PFKL: variants seen among roughly 807,000 people sequenced by gnomAD.
PFKL encodes ATP-dependent 6-phosphofructokinase, liver type.
In PFKL, 74 loss-of-function variants were observed where a neutral mutation model predicts 92.1. The ratio of observed to expected loss-of-function variants is 0.80; its 90% CI spans 0.67 to 0.97. The LOEUF (loss-of-function observed/expected upper bound fraction) is 0.97. PFKL is among the 50% of genes least tolerant of loss of function. The pLI is 0.00. For synonymous variants in PFKL, 494 were observed against 456.4 expected (o/e 1.08, Z -1.05); for missense variants, 1,028 against 1,116.6 (o/e 0.92, Z 1.13).
intron 15 of PFKL, among the ~76,000 whole-genome samples, chr21:44,323,262 T>C (rs2047406223): frequency 6.6e-6 from 1 of 152,062 alleles, no homozygotes; most frequent in African/African-American, 2.4e-5. Flanking sequence ...TTTTAAGTGC[T>C]GTGTGTGGGC....
rs80061405 is a variant in PFKL at position 44,309,129 on chromosome 21, G to A, written c.160-1877G>A. On this transcript the variant is annotated intron_variant, in intron 2 of 21. Coordinates refer to ENST00000349048, the MANE Select transcript of PFKL (RefSeq NM_002626.6). ...GAAGGGGGAGGTCAGGGAGACCTGC[G>A]GCTGCGTCAGTTCACATCAGACTGC... 1.8e-4 allele frequency among the ~76,000 whole-genome samples: 27 copies of A among 152,252 alleles called. 1 individual carries two copies. Among genetic ancestry groups the A allele is most frequent in the African/African-American group, 5.1e-4 (21 of 41,534 alleles).
At chr21:44,310,946 C>A in intron 2 of PFKL, 60 bp from the exon 3 acceptor site, 1 of 1,262,126 alleles carries the variant, frequency 7.9e-7, no homozygotes, top group South Asian at 1.2e-5. Context: ...GCTCCCAGAC[C>A]ACTTGCTGCC....
At chr21:44,300,560 C>T (rs1011644156) in intron 1 of PFKL, among the ~76,000 whole-genome samples, 1 of 152,178 alleles carries the variant, frequency 6.6e-6, no homozygotes, top group Non-Finnish European at 1.5e-5. Flanking sequence ...TCTGAAGCGA[C>T]CCGGGGACCC....
chr21:44,310,488 C>T (rs892953488), intron 2 of PFKL, among the ~76,000 whole-genome samples: 23 of 152,166 alleles, frequency 1.5e-4, no homozygotes, highest in African/African-American at 4.6e-4. Context: ...CCCGCTCTGG[C>T]GGGCAGATGG....
At position 44,322,954 on chromosome 21, in the gene PFKL, G is replaced by T; in HGVS notation, c.1410-8G>T. 6.2e-7 allele frequency: 1 copy of T among 1,604,768 alleles called. No homozygotes were observed. Among genetic ancestry groups the T allele is most frequent in the South Asian group, 1.1e-5 (1 of 90,644 alleles). ...TGCGTGTTCATGCGGATGTGTCTTT[G>T]ACTGCAGGACCCTGCCCAAGGGCCA... On this transcript the variant is annotated splice_region_variant and splice_polypyrimidine_tract_variant and intron_variant, in intron 14 of 21. Coordinates refer to ENST00000349048, the MANE Select transcript of PFKL (RefSeq NM_002626.6).
At chr21:44,305,419 T>G in intron 1 of PFKL, 1 of 1,331,324 alleles carries the variant, frequency 7.5e-7, no homozygotes, top group Middle Eastern at 2.1e-4. Context: ...CCCCAGCAGG[T>G]CAGCACCTCC....
intron 2 of PFKL, 122 bp downstream of exon 2, chr21:44,306,876 G>C (rs1161059513): frequency 2.4e-6 from 2 of 841,314 alleles, no homozygotes; most frequent in Non-Finnish European, 3.9e-6. Flanking sequence ...GAGCTGATGG[G>C]TATGTGGTCT....
At chr21:44,324,414 C>T in intron 16 of PFKL, 77 bp from the exon 17 acceptor site, 4 of 1,504,792 alleles carry the variant, frequency 2.7e-6, no homozygotes, top group Non-Finnish European at 3.7e-6. Context: ...ACAGGGCTCC[C>T]TGCAGGGTAG....
Position 44,318,696 on chromosome 21 carries a change from G to A in PFKL, c.1062+101G>A, listed in dbSNP as rs951313666. 10 of 1,106,690 alleles carry A rather than the reference G, an allele frequency of 9.0e-6. No homozygotes were observed. The East Asian group carries it at 1.2e-4, about 13-fold the overall frequency. The allele number at this position is 1,106,690 out of a possible 1,614,324, so 68.6% of individuals were successfully genotyped here. On this transcript the variant is annotated intron_variant, in intron 10 of 21. Transcript: ENST00000349048. ...TGGGGGCCCCAGCACTGTGAGCACCGGAGGGCAGGGCCTCGTGGCTGGCCC... is the reference window on the plus strand; with the variant it reads ...TGGGGGCCCCAGCACTGTGAGCACCAGAGGGCAGGGCCTCGTGGCTGGCCC...
At chr21:44,321,135 G>A (rs1467784472) in intron 12 of PFKL, 3 of 152,294 alleles carry the variant, frequency 2.0e-5, no homozygotes, top group African/African-American at 4.8e-5. Flanking sequence ...GAGCCCTTGG[G>A]TGTGGCTGCT....
intron 3 of PFKL, among the ~76,000 whole-genome samples, chr21:44,311,482 G>A (rs1022820480): frequency 2.0e-5 from 3 of 152,108 alleles, no homozygotes; most frequent in Non-Finnish European, 2.9e-5. Flanking sequence ...ACACAGATGC[G>A]CACACAGGTA....
chr21:44,318,471 G>T lies in PFKL; in HGVS notation c.938G>T (p.Ser313Ile). The change falls in exon 10 of 22, where the codon AGC becomes ATC. Residue 313 changes from serine (S) to isoleucine (I), a missense_variant and splice_region_variant. Physicochemically the swap from Ser to Ile is moderately radical, Grantham distance 142. Coordinates refer to ENST00000349048, the MANE Select transcript of PFKL (RefSeq NM_002626.6). ...GTPSAFDRILSSKMGMEAVMA... is the reference protein window; with the variant it reads ...GTPSAFDRILISKMGMEAVMA... ...GCCAGCCTGAACCCTTCCCCACAGA[G>T]CAGCAAGATGGGCATGGAGGCGGTG... is the stretch of plus-strand genomic sequence containing the variant. The T allele has an allele frequency of 6.5e-7, 1 of 1,541,920 alleles. No individual in the cohort carries two copies.
In PFKL at chr21:44,327,238, T is replaced by C. The variant is rs941019912; in HGVS notation, c.*376T>C. On this transcript the variant is annotated 3_prime_UTR_variant, in exon 22 of 22. Coordinates refer to ENST00000349048, the MANE Select transcript of PFKL (RefSeq NM_002626.6). ...TTGCTCTACCTGGCCGGTAGGCTGCTGGCGCCTAGGTTGTGTTGAGAGGGG... is the reference window on the plus strand; with the variant it reads ...TTGCTCTACCTGGCCGGTAGGCTGCCGGCGCCTAGGTTGTGTTGAGAGGGG... 13 of 268,846 alleles carry C rather than the reference T, an allele frequency of 4.8e-5. No homozygotes were observed. The highest frequency in any genetic ancestry group is 2.8e-4 in the African/African-American group (13 of 46,550). The allele number at this position is 268,846 out of a possible 1,614,324, so 16.7% of individuals were successfully genotyped here.
chr21:44,310,164 C>T (rs966806633), intron 2 of PFKL, among the ~76,000 whole-genome samples: 2 of 152,364 alleles, frequency 1.3e-5, no homozygotes, highest in Non-Finnish European at 2.9e-5. Context: ...CCTCTCCACA[C>T]CCTTAGTGAA....
chr21:44,307,032 C>T (rs994577868), intron 2 of PFKL, among the ~76,000 whole-genome samples: 4 of 152,266 alleles, frequency 2.6e-5, no homozygotes, highest in Non-Finnish European at 5.9e-5. Flanking sequence ...GACAAGGAGT[C>T]GAGGCCCTGC....
intron 19 of PFKL, chr21:44,325,681 T>A (rs964619594): frequency 5.9e-6 from 3 of 511,850 alleles, no homozygotes; most frequent in African/African-American, 3.8e-5. Context: ...GGGCCCGAGG[T>A]GGGGCCGCTG....
chr21:44,300,109 G>T lies in PFKL; in HGVS notation c.4G>T (p.Ala2Ser). The T allele has an allele frequency of 8.6e-7, 1 of 1,162,278 alleles. No individual in the cohort carries two copies. The highest frequency in any genetic ancestry group is 1.1e-6 in the Non-Finnish European group (1 of 929,694). 72.0% of individuals were successfully genotyped at this position (1,162,278 alleles called of 1,614,324 possible). A position where few individuals can be genotyped will look rare whatever the true frequency, so the allele number is the denominator to read the frequency against. The part of the protein sequence containing the change: M[A>S]AVDLEKLRAS... ...GGCCCGTGTTTCGGCCGCCGCCATGGCCGCGGTGGACCTGGAGAAGCTGCG... is the reference window on the plus strand; with the variant it reads ...GGCCCGTGTTTCGGCCGCCGCCATGTCCGCGGTGGACCTGGAGAAGCTGCG... The change falls in exon 1 of 22, where the codon GCC becomes TCC. Residue 2 changes from alanine to serine, a missense_variant. Transcript: ENST00000349048.
intron 17 of PFKL, 78 bp from the exon 18 acceptor site, chr21:44,324,775 CCTG>C (rs1203813037): frequency 1.8e-5 from 28 of 1,578,996 alleles, no homozygotes; most frequent in Non-Finnish European, 2.3e-5. Context: ...GCCCAGTGCT[CCTG>C]CTGGCCCCGG....
chr21:44,311,974 C>A, intron 3 of PFKL, 131 bp from the exon 4 acceptor site: 1 of 670,596 alleles, frequency 1.5e-6, no homozygotes, highest in Non-Finnish European at 2.3e-6. Context: ...CCAGAGACCC[C>A]GGGGCTTCTG....
Sources: gnomAD v4.1 joint callset for allele counts (sites outside exome capture counted in the v4.1 genomes callset) on GRCh38, gnomAD v4.1.1 for gene constraint, MANE v1.5 for transcripts, NCBI Gene and HGNC (gene_info 2026-07-23, HGNC 2026-07-21) for gene names.